Variants in REV3L observed in about 807,000 individuals in gnomAD.
REV3L encodes REV3 like, DNA directed polymerase zeta catalytic subunit.
A neutral mutation model predicts 299.4 loss-of-function variants in REV3L; 69 were observed. That is an observed-to-expected ratio of 0.23 (90% CI 0.19 to 0.28). The LOEUF (loss-of-function observed/expected upper bound fraction) is 0.28, where lower values mean the gene tolerates loss of function less well. Ranked by LOEUF, REV3L falls within the 10% of genes least tolerant of loss-of-function variation. REV3L has a pLI of 1.00. For missense variants in REV3L, 3,128 were observed against 3,693.8 expected (o/e 0.85, Z 3.97); for synonymous variants, 1,238 against 1,271.4 (o/e 0.97, Z 0.56).
chr6:111,353,418 A>C (rs972731969), intron 18 of REV3L, among the ~76,000 whole-genome samples: 10 of 152,206 alleles, frequency 6.6e-5, no homozygotes, highest in African/African-American at 2.4e-4. Context: ...TGTCAAAAGA[A>C]CTGGGTTCAA....
At chr6:111,381,881 CAT>C (rs1351572259) in intron 9 of REV3L, among the ~76,000 whole-genome samples, 12 of 152,088 alleles carry the variant, frequency 7.9e-5, no homozygotes, top group African/African-American at 2.9e-4. Flanking sequence ...TTATTTGACA[CAT>C]GTGTATTGGA....
chr6:111,477,272 T>C (rs879577448), intron 1 of REV3L, among the ~76,000 whole-genome samples: 1 of 152,140 alleles, frequency 6.6e-6, no homozygotes, highest in Non-Finnish European at 1.5e-5. Flanking sequence ...AATAGACGAG[T>C]TTCAAGCACT....
chr6:111,443,598 C>T lies in REV3L; in HGVS notation c.140-27126G>A, dbSNP rs568388784. On this transcript the variant is annotated intron_variant, in intron 1 of 31. Transcript: ENST00000368802. ...AGCCTTTACGCTAAGACTACATTAG[C>T]CCTACTCATAAGATGTGACCTTTCT... Among the ~76,000 whole-genome samples, 12 of 152,296 alleles carry T rather than the reference C, an allele frequency of 7.9e-5. No homozygotes were observed. In the South Asian group the frequency reaches 2.5e-3, roughly 32 times the overall value.
Position 111,373,448 on chromosome 6 carries a change from T to G in REV3L, c.4907A>C (p.Glu1636Ala), listed in dbSNP as rs1461623930. ...ATTATGTTCAGGAGATAAACTATCT[T>G]CAAGTGAGTAACAACTTTCAAAGCC... The part of the protein sequence containing the change: ...DPGFESCYSL[E>A]DSLSPEHNYN... The change falls in exon 13 of 32, where the codon GAA becomes GCA. Residue 1636 changes from glutamate (E) to alanine (A), a missense_variant. Transcript: ENST00000368802. 6.2e-7 allele frequency: 1 copy of G among 1,613,578 alleles called. No individual in the cohort carries two copies. Among genetic ancestry groups the G allele is most frequent in the Non-Finnish European group, 8.5e-7 (1 of 1,179,844 alleles).
intron 1 of REV3L, chr6:111,431,805 A>G: frequency 1.5e-6 from 1 of 681,600 alleles, no homozygotes; most frequent in Non-Finnish European, 2.7e-6. Flanking sequence ...ATTTGATTAT[A>G]TATTATGTAC....
Position 111,310,008 on chromosome 6 carries a change from T to G in REV3L, c.8887A>C (p.Ile2963Leu). The change falls in exon 30 of 32, where the codon ATC becomes CTC. Residue 2963 changes from isoleucine (I) to leucine (L), a missense_variant. Transcript: ENST00000368802. ...IIYGTPGVPL[I>L]QLVRRPVEVL... The stretch of plus-strand genomic sequence containing the variant: ...TCCACTGGGCGCCTTACAAGCTGGA[T>G]AAGTGGTACTCCGGGGGTCCCATAA... 1.9e-6 allele frequency: 3 copies of G among 1,613,804 alleles called. No individual in the cohort carries two copies. Among genetic ancestry groups the G allele is most frequent in the Non-Finnish European group, 2.5e-6 (3 of 1,179,876 alleles).
At chr6:111,347,289 A>AT (rs1554199062) in intron 20 of REV3L, among the ~76,000 whole-genome samples, 8 of 150,154 alleles carry the variant, frequency 5.3e-5, no homozygotes, top group Admixed American at 1.3e-4. Flanking sequence ...AAAATAAAAA[A>AT]AAATATATAT....
At chr6:111,419,495 A>T (rs981647575) in intron 1 of REV3L, among the ~76,000 whole-genome samples, 3 of 152,204 alleles carry the variant, frequency 2.0e-5, no homozygotes, top group East Asian at 3.9e-4. Flanking sequence ...TCTACCTCAC[A>T]CAAATGTGTG....
intron 2 of REV3L, 113 bp downstream of exon 2, chr6:111,416,170 C>A: frequency 1.5e-6 from 1 of 670,334 alleles, no homozygotes; most frequent in Non-Finnish European, 2.2e-6. Context: ...GAATTCACTA[C>A]AGTTCCATTA....
At chr6:111,315,198 G>C in intron 27 of REV3L, 69 bp downstream of exon 27, 6 of 1,243,110 alleles carry the variant, frequency 4.8e-6, no homozygotes, top group Non-Finnish European at 6.9e-6. Context: ...AAAATGTACT[G>C]AACAAATCAG....
intron 1 of REV3L, among the ~76,000 whole-genome samples, chr6:111,466,463 A>G (rs944933674): frequency 6.6e-6 from 1 of 152,250 alleles, no homozygotes; most frequent in African/African-American, 2.4e-5. Context: ...TAAATGTCCT[A>G]TCAGTTTAAT....
At chr6:111,475,794 C>T (rs1007190302) in intron 1 of REV3L, among the ~76,000 whole-genome samples, 21 of 152,286 alleles carry the variant, frequency 1.4e-4, no homozygotes, top group African/African-American at 5.1e-4. Context: ...TAAAATCCAG[C>T]AACCCAGTAT....
intron 4 of REV3L, among the ~76,000 whole-genome samples, chr6:111,403,108 G>A (rs1455985692): frequency 6.6e-6 from 1 of 152,130 alleles, no homozygotes; most frequent in Non-Finnish European, 1.5e-5. Context: ...CTGATGAACC[G>A]TGAAAACATT....
chr6:111,404,365 C>T (rs1783403364), intron 4 of REV3L, among the ~76,000 whole-genome samples: 2 of 152,198 alleles, frequency 1.3e-5, no homozygotes, highest in Non-Finnish European at 2.9e-5. Flanking sequence ...AACAATGCAC[C>T]TGGTCACCCA....
At chr6:111,311,435 T>C (rs1772964099) in intron 28 of REV3L, 176 bp from the exon 29 acceptor site, 1 of 445,998 alleles carries the variant, frequency 2.2e-6, no homozygotes, top group Non-Finnish European at 3.9e-6. Context: ...TTTGAGACTT[T>C]AGAGAGCTTG....
chr6:111,313,287 A>C, intron 28 of REV3L, 65 bp downstream of exon 28: 1 of 1,476,188 alleles, frequency 6.8e-7, no homozygotes, highest in Non-Finnish European at 9.1e-7. Context: ...AAGGGTAGTT[A>C]CATTTTCACC....
chr6:111,438,319 T>A lies in REV3L; in HGVS notation c.140-21847A>T, dbSNP rs909448410. Among the ~76,000 whole-genome samples, 86 of 152,084 alleles carry A rather than the reference T, an allele frequency of 5.7e-4. 2 individuals carry two copies. Among genetic ancestry groups the A allele is most frequent in the Non-Finnish European group, 1.0e-4 (7 of 68,016 alleles). On this transcript the variant is annotated intron_variant, in intron 1 of 31. Transcript: ENST00000368802. Reference sequence around the variant, plus strand: ...ATATCATAGGAATAAATTATGAATATACAGAAATATAATCATTTGCCACTA... The same window carrying A: ...ATATCATAGGAATAAATTATGAATAAACAGAAATATAATCATTTGCCACTA...
chr6:111,444,754 A>G (rs1164060366), intron 1 of REV3L, among the ~76,000 whole-genome samples: 1 of 152,164 alleles, frequency 6.6e-6, no homozygotes, highest in Non-Finnish European at 1.5e-5. Flanking sequence ...GGCTTTCTCT[A>G]CTCCAGTACA....
Position 111,313,469 on chromosome 6 carries a change from T to C in REV3L, c.8487A>G (p.Leu2829=). The C allele has an allele frequency of 6.2e-7, 1 of 1,611,574 alleles. No homozygotes were observed. Among genetic ancestry groups the C allele is most frequent in the Non-Finnish European group, 8.5e-7 (1 of 1,179,274 alleles). ...KFEKVYLPCV[L]QTKKRYVGYM... ...AACCCACATACCTCTTTTTTGTTTGTAAAACACAGGGCAAATATACCTGTG... is the reference window on the plus strand; with the variant it reads ...AACCCACATACCTCTTTTTTGTTTGCAAAACACAGGGCAAATATACCTGTG... Residue 2829 remains leucine, a synonymous_variant, in exon 28 of 32, where the codon TTA becomes TTG. Transcript: ENST00000368802.
Sources: allele counts gnomAD v4.1 joint callset (sites outside exome capture counted in the v4.1 genomes callset), GRCh38; gene constraint gnomAD v4.1.1; transcripts MANE v1.5; gene names NCBI Gene and HGNC (gene_info 2026-07-23, HGNC 2026-07-21).